The following SGMS1 variants were observed in gnomAD, a reference collection of about 807,000 sequenced individuals.
SGMS1 encodes sphingomyelin synthase 1, also known as phosphatidylcholine:ceramide cholinephosphotransferase 1.
Under a neutral mutation model 46.2 loss-of-function variants are expected in SGMS1, and 13 were observed. The ratio of observed to expected loss-of-function variants is 0.28; its 90% confidence interval spans 0.18 to 0.45. The LOEUF (loss-of-function observed/expected upper bound fraction) is 0.45. Ranked by LOEUF, SGMS1 falls within the 20% of genes least tolerant of loss-of-function variation. SGMS1 has a pLI of 1.00. For missense variants in SGMS1, 324 were observed against 519.9 expected (o/e 0.62, Z 3.66); for synonymous variants, 203 against 187.8 (o/e 1.08, Z -0.66).
intron 2 of SGMS1, among the ~76,000 whole-genome samples, chr10:50,542,928 G>A (rs1040309529): frequency 1.1e-4 from 16 of 150,600 alleles, no homozygotes; most frequent in Non-Finnish European, 2.1e-4. Flanking sequence ...CAAGTTACCT[G>A]CTTCTCAGAC....
chr10:50,624,724 C>T (rs1322528558), upstream of SGMS1: 4 of 985,424 alleles, frequency 4.1e-6, no homozygotes, highest in Non-Finnish European at 4.8e-6. Flanking sequence ...AGGTTTTCCT[C>T]TGCTCCCCGA....
At chr10:50,411,270 A>C (rs1306900271) in intron 6 of SGMS1, among the ~76,000 whole-genome samples, 2 of 152,250 alleles carry the variant, frequency 1.3e-5, no homozygotes, top group Admixed American at 1.3e-4. Context: ...ACAAGCTAAT[A>C]GACCTATGGT....
At chr10:50,474,628 T>G (rs1837404119) in intron 3 of SGMS1, among the ~76,000 whole-genome samples, 1 of 152,210 alleles carries the variant, frequency 6.6e-6, no homozygotes, top group South Asian at 2.1e-4. Flanking sequence ...CTATCTCATT[T>G]TAGGCATAGG....
chr10:50,527,533 T>C (rs1019536976), intron 2 of SGMS1, among the ~76,000 whole-genome samples: 2 of 152,142 alleles, frequency 1.3e-5, no homozygotes, highest in African/African-American at 4.8e-5. Flanking sequence ...CTATCTAGTT[T>C]CAGAGTCTTA....
intron 6 of SGMS1, among the ~76,000 whole-genome samples, chr10:50,384,266 T>C (rs2133484461): frequency 6.6e-6 from 1 of 152,350 alleles, no homozygotes; most frequent in Admixed American, 6.5e-5. Flanking sequence ...TGTATGATCT[T>C]GAGTAAGTTA....
At chr10:50,423,287 C>A (rs1007147773) in intron 6 of SGMS1, among the ~76,000 whole-genome samples, 9 of 100,970 alleles carry the variant, frequency 8.9e-5, no homozygotes, top group Non-Finnish European at 1.8e-4. Context: ...CTAAAGTGTG[C>A]CTTTTCCCAC....
At chr10:50,614,973 T>C (rs1386172990) in intron 1 of SGMS1, among the ~76,000 whole-genome samples, 2 of 152,264 alleles carry the variant, frequency 1.3e-5, no homozygotes, top group African/African-American at 4.8e-5. Flanking sequence ...TCAACAAGTG[T>C]GAATCCCTGT....
intron 1 of SGMS1, among the ~76,000 whole-genome samples, chr10:50,592,233 T>A (rs1381952137): frequency 1.3e-5 from 2 of 152,226 alleles, no homozygotes; most frequent in Non-Finnish European, 2.9e-5. Flanking sequence ...AACATCAGTG[T>A]TACTCAAAGA....
intron 2 of SGMS1, among the ~76,000 whole-genome samples, chr10:50,542,139 T>C (rs1838058581): frequency 6.6e-6 from 1 of 152,114 alleles, no homozygotes; most frequent in Non-Finnish European, 1.5e-5. Context: ...TTAGACCTTC[T>C]CATGGGGGAA....
At chr10:50,314,105 A>G (rs1847301561) in intron 8 of SGMS1, among the ~76,000 whole-genome samples, 1 of 152,284 alleles carries the variant, frequency 6.6e-6, no homozygotes, top group East Asian at 1.9e-4. Context: ...AATAAGACCA[A>G]CTTAGGAAAC....
chr10:50,398,030 G>C (rs748081028), intron 6 of SGMS1, among the ~76,000 whole-genome samples: 1 of 152,064 alleles, frequency 6.6e-6, no homozygotes, highest in Non-Finnish European at 1.5e-5. Context: ...AAAGTTTTCC[G>C]TCCCTGACTT....
At chr10:50,511,248 T>TACACACACACAC (rs3054272) in intron 3 of SGMS1, among the ~76,000 whole-genome samples, 19,915 of 141,308 alleles carry the variant, frequency 0.14, 1,413 homozygotes, top group Admixed American at 0.18. Flanking sequence ...CACTCATTCA[T>TACACACACACAC]ACACACACAC....
chr10:50,496,659 G>A (rs936696903), intron 3 of SGMS1, among the ~76,000 whole-genome samples: 1 of 152,104 alleles, frequency 6.6e-6, no homozygotes, highest in African/African-American at 2.4e-5. Context: ...ACAACCCTAG[G>A]CCTTCCTATA....
intron 6 of SGMS1, among the ~76,000 whole-genome samples, chr10:50,402,312 T>C (rs577420164): frequency 6.6e-6 from 1 of 152,356 alleles, no homozygotes; most frequent in African/African-American, 2.4e-5. Context: ...TTTCAAAAAT[T>C]AATCTATCTT....
At chr10:50,316,325 G>A (rs1265262690) in intron 8 of SGMS1, among the ~76,000 whole-genome samples, 2 of 152,172 alleles carry the variant, frequency 1.3e-5, no homozygotes, top group Non-Finnish European at 2.9e-5. Context: ...ATTGACAATC[G>A]CTAATGCTGC....
intron 2 of SGMS1, among the ~76,000 whole-genome samples, chr10:50,550,399 ATGAAGCTGCGGACTAGCTATCC>A (rs140222608): frequency 0.011 from 1,649 of 152,284 alleles, 26 homozygotes; most frequent in African/African-American, 0.038. Flanking sequence ...TCTAATTTGC[ATGAAGCTGCGGACTAGCTATCC>A]TGAAGCACAG....
chr10:50,527,848 G>T (rs1208987137), intron 2 of SGMS1, among the ~76,000 whole-genome samples: 1 of 152,078 alleles, frequency 6.6e-6, no homozygotes, highest in African/African-American at 2.4e-5. Flanking sequence ...TAAGAATATG[G>T]GCTTAGAAGT....
Position 50,308,047 on chromosome 10 carries a change from C to T in SGMS1, c.997G>A (p.Val333Met), listed in dbSNP as rs748783255. The change falls in exon 10 of 11, where the codon GTG becomes ATG. Residue 333 changes from valine (V) to methionine (M), a missense_variant. Physicochemically the swap from Val to Met is conservative, Grantham distance 21. This residue lies in a region of SGMS1 where 174 missense variants were observed against 350.1 expected (regional missense o/e 0.50). Transcript: ENST00000361781. Reference sequence around the variant, plus strand: ...GTGGTGATGTAATATGCCACCACCACGTCCACAGTGTAGTGGTCATGCGCT... The same window carrying T: ...GTGGTGATGTAATATGCCACCACCATGTCCACAGTGTAGTGGTCATGCGCT... The part of the protein sequence containing the change: ...LLAHDHYTVD[V>M]VVAYYITTRL... The T allele has an allele frequency of 6.2e-7, 1 of 1,614,038 alleles. No individual in the cohort carries two copies.
At chr10:50,513,369 C>A (rs999808710) in intron 3 of SGMS1, among the ~76,000 whole-genome samples, 7 of 152,152 alleles carry the variant, frequency 4.6e-5, no homozygotes, top group African/African-American at 1.4e-4. Context: ...TCTGGCCACC[C>A]CAAGGACCAG....
Sources: allele counts gnomAD v4.1 joint callset (sites outside exome capture counted in the v4.1 genomes callset), GRCh38; gene constraint gnomAD v4.1.1; regional missense constraint gnomAD v4.1.1; transcripts MANE v1.5; gene names NCBI Gene and HGNC (gene_info 2026-07-23, HGNC 2026-07-21).